Variants in SSPN observed in about 807,000 individuals in gnomAD.
The protein encoded by SSPN is K-ras oncogene-associated protein.
A neutral mutation model predicts 19.1 loss-of-function variants in SSPN; 15 were observed. That is an observed-to-expected ratio of 0.78 (90% CI 0.52 to 1.21). The LOEUF (loss-of-function observed/expected upper bound fraction) is 1.21. Among genes scored for constraint, SSPN ranks in the 50% most tolerant of loss-of-function variants. SSPN has a pLI of 0.00. For synonymous variants in SSPN, 147 were observed against 140.3 expected, an observed-to-expected ratio of 1.05 and a Z score of -0.34; for missense variants, 291 against 314.0, an observed-to-expected ratio of 0.93 and a Z score of 0.55.
intron 1 of SSPN, among the ~76,000 whole-genome samples, chr12:26,210,182 A>T (rs887609351): frequency 6.6e-6 from 1 of 151,922 alleles, no homozygotes; most frequent in Non-Finnish European, 1.5e-5. Context: ...TTTCCTCCAC[A>T]CCCACACACT....
chr12:26,230,579 C>T (rs1010455853), intron 2 of SSPN, 132 bp from the exon 3 acceptor site: 4 of 1,028,956 alleles, frequency 3.9e-6, no homozygotes, highest in Non-Finnish European at 5.5e-6. Context: ...TGTTGTGTTT[C>T]TAAGAAGAGA....
chr12:26,153,719 G>C (rs959270242), intron 1 of SSPN, among the ~76,000 whole-genome samples: 15 of 152,176 alleles, frequency 9.9e-5, no homozygotes, highest in African/African-American at 3.6e-4. Flanking sequence ...GACTCTTGTT[G>C]CATGTCTGCA....
intron 1 of SSPN, among the ~76,000 whole-genome samples, chr12:26,139,890 CTT>C (rs1271087932): frequency 2.0e-5 from 3 of 152,180 alleles, no homozygotes; most frequent in African/African-American, 4.8e-5. Context: ...AGCGGACACT[CTT>C]TGCCAGCACT....
At chr12:26,133,804 G>C (rs1944409529) in intron 1 of SSPN, among the ~76,000 whole-genome samples, 1 of 152,224 alleles carries the variant, frequency 6.6e-6, no homozygotes, top group African/African-American at 2.4e-5. Context: ...CAGAATCTAA[G>C]TTAGAAAGAG....
chr12:26,173,477 G>A (rs1944665336), intron 1 of SSPN, among the ~76,000 whole-genome samples: 1 of 152,124 alleles, frequency 6.6e-6, no homozygotes, highest in Admixed American at 6.5e-5. Flanking sequence ...GGCCTCTTCT[G>A]CTATCATGCT....
At chr12:26,205,276 C>G (rs143715902) in intron 1 of SSPN, among the ~76,000 whole-genome samples, 1 of 152,284 alleles carries the variant, frequency 6.6e-6, no homozygotes, top group Non-Finnish European at 1.5e-5. Context: ...TCAGCATTCA[C>G]TGTAAGGAGC....
At chr12:26,201,185 T>G (rs1304456764) in intron 1 of SSPN, among the ~76,000 whole-genome samples, 1 of 151,270 alleles carries the variant, frequency 6.6e-6, no homozygotes, top group Non-Finnish European at 1.5e-5. Context: ...GAGACCAGCC[T>G]GGTCAACATG....
At chr12:26,146,356 G>A (rs931553342) in intron 1 of SSPN, among the ~76,000 whole-genome samples, 34 of 152,130 alleles carry the variant, frequency 2.2e-4, no homozygotes, top group African/African-American at 7.7e-4. Flanking sequence ...TCTCACCCTC[G>A]TTCTGACTCC....
At chr12:26,131,752 C>G (rs1022776098) in intron 1 of SSPN, among the ~76,000 whole-genome samples, 9 of 152,170 alleles carry the variant, frequency 5.9e-5, no homozygotes, top group African/African-American at 1.9e-4. Context: ...GGTATTAAGG[C>G]AGGTGTCTTA....
intron 1 of SSPN, chr12:26,124,263 C>G: frequency 1.8e-6 from 1 of 558,502 alleles, no homozygotes. Flanking sequence ...GCCCCCCCCG[C>G]CCCCCCACCA....
chr12:26,160,918 G>A lies in SSPN; in HGVS notation c.-31+38766G>A, dbSNP rs147852690. Among the ~76,000 whole-genome samples the A allele has an allele frequency of 5.8e-3, 888 of 151,898 alleles. 6 individuals are homozygous for A. Among genetic ancestry groups the A allele is most frequent in the Non-Finnish European group, 8.7e-3 (591 of 67,942 alleles). On this transcript the variant is annotated intron_variant, in intron 1 of 2. Transcript: ENST00000538142. ...AGGTCAGGAGTTCGAGACCAGCCTG[G>A]CCAGCATGGTGAAACCCTGTCTCTA... is the stretch of plus-strand genomic sequence containing the variant.
intron 1 of SSPN, among the ~76,000 whole-genome samples, chr12:26,174,816 C>T (rs1210993104): frequency 6.6e-6 from 1 of 152,126 alleles, no homozygotes; most frequent in Non-Finnish European, 1.5e-5. Context: ...CCACCGTGCC[C>T]GGCCTCCCCC....
intron 1 of SSPN, among the ~76,000 whole-genome samples, chr12:26,140,206 G>C (rs2137404856): frequency 6.6e-6 from 1 of 152,192 alleles, no homozygotes; most frequent in South Asian, 2.1e-4. Context: ...ATTCCAGCCT[G>C]GTACGTCGTA....
At chr12:26,198,800 A>T (rs527556185) in intron 1 of SSPN, among the ~76,000 whole-genome samples, 21 of 152,156 alleles carry the variant, frequency 1.4e-4, no homozygotes, top group Admixed American at 2.0e-4. Flanking sequence ...AACTTGGAGG[A>T]GAGTGGCCTC....
At chr12:26,204,105 T>C (rs1173928426) in intron 1 of SSPN, among the ~76,000 whole-genome samples, 3 of 152,170 alleles carry the variant, frequency 2.0e-5, no homozygotes, top group Non-Finnish European at 2.9e-5. Flanking sequence ...GGTTATACAT[T>C]TGCACAGCAA....
intron 1 of SSPN, among the ~76,000 whole-genome samples, chr12:26,164,798 C>T (rs762272061): frequency 6.6e-6 from 1 of 152,104 alleles, no homozygotes; most frequent in Non-Finnish European, 1.5e-5. Context: ...TTTGAATTTA[C>T]CTCTTTTCTC....
At chr12:26,229,855 A>T (rs1048683805) in intron 2 of SSPN, among the ~76,000 whole-genome samples, 5 of 152,210 alleles carry the variant, frequency 3.3e-5, no homozygotes, top group South Asian at 2.1e-4. Context: ...TATTGTGGCC[A>T]TGTCAGTGAA....
chr12:26,210,498 TTC>T (rs1275935715), intron 1 of SSPN, among the ~76,000 whole-genome samples: 3 of 151,896 alleles, frequency 2.0e-5, no homozygotes, highest in East Asian at 1.9e-4. Flanking sequence ...CTCCTTTCTA[TTC>T]TCTCTCTCTG....
At chr12:26,157,696 A>C (rs1156576056) in intron 1 of SSPN, among the ~76,000 whole-genome samples, 2 of 152,212 alleles carry the variant, frequency 1.3e-5, no homozygotes, top group Non-Finnish European at 2.9e-5. Flanking sequence ...CTTCATGGCT[A>C]TATTCTATAC....
Sources: allele counts gnomAD v4.1 joint callset (sites outside exome capture counted in the v4.1 genomes callset), GRCh38; gene constraint gnomAD v4.1.1; transcripts MANE v1.5; gene names NCBI Gene and HGNC (gene_info 2026-07-23, HGNC 2026-07-21).